MTSS2: variants seen among roughly 807,000 people sequenced by gnomAD.
MTSS2 encodes MTSS I-BAR domain containing 2.
In MTSS2, 27 loss-of-function variants were observed where a neutral mutation model predicts 67.1. That is an observed-to-expected ratio of 0.40 (90% confidence interval 0.30 to 0.55). The LOEUF is 0.55. Among genes scored for constraint, MTSS2 ranks in the 20% least tolerant of loss-of-function variants. The pLI is 0.43. For synonymous variants in MTSS2, 624 were observed against 468.6 expected (o/e 1.33, Z -4.28); for missense variants, 1,171 against 1,067.8 (o/e 1.10, Z -1.35).
chr16:70,675,928 G>A (rs2142853599), intron 10 of MTSS2, among the ~76,000 whole-genome samples: 1 of 152,336 alleles, frequency 6.6e-6, no homozygotes, highest in East Asian at 1.9e-4. Context: ...ACCCTTGGGT[G>A]GTGTTCCTGG....
rs1195551114 is a variant in MTSS2, at chr16:70,678,248, C to T, written c.624+4G>A. On this transcript the variant is annotated splice_donor_region_variant and intron_variant, in intron 8 of 14. Coordinates refer to ENST00000338779, the MANE Select transcript of MTSS2 (RefSeq NM_138383.3). ...TCTGGGGTCTGAGTCCCCAGGAGTC[C>T]CACCACCACAGGCTGCAGGAAGGTG... 2 of 1,604,232 alleles carry T rather than the reference C, an allele frequency of 1.2e-6. No homozygotes were observed. Among genetic ancestry groups the T allele is most frequent in the Admixed American group, 1.7e-5 (1 of 59,464 alleles).
chr16:70,683,780 C>G (rs1446540019), intron 1 of MTSS2, among the ~76,000 whole-genome samples: 1 of 152,208 alleles, frequency 6.6e-6, no homozygotes, highest in East Asian at 1.9e-4. Context: ...GCCGCCCTTC[C>G]TCTACGGAGG....
intron 11 of MTSS2, among the ~76,000 whole-genome samples, chr16:70,667,060 G>A (rs918753047): frequency 6.6e-6 from 1 of 152,102 alleles, no homozygotes; most frequent in Non-Finnish European, 1.5e-5. Flanking sequence ...AGGATCACTT[G>A]AGCCCAGGAG....
At chr16:70,669,554 G>A (rs1000120297) in intron 11 of MTSS2, among the ~76,000 whole-genome samples, 1 of 152,068 alleles carries the variant, frequency 6.6e-6, no homozygotes, top group African/African-American at 2.4e-5. Context: ...GGTGGCTCAT[G>A]CCTGTAATCC....
rs1214479875 is a variant in MTSS2 at position 70,661,254 on chromosome 16, G to GTTAC, written c.*2419_*2422dup. 1 of 455,840 alleles carries GTTAC rather than the reference G, an allele frequency of 2.2e-6. No individual in the cohort carries two copies. The highest frequency in any genetic ancestry group is 2.4e-5 in the Admixed American group (1 of 42,466). The allele number at this position is 455,840 out of a possible 1,614,324, so 28.2% of individuals were successfully genotyped here. A position where few individuals can be genotyped will look rare whatever the true frequency, so the allele number is the denominator to read the frequency against. On this transcript the variant is annotated 3_prime_UTR_variant, in exon 15 of 15. Coordinates refer to ENST00000338779, the MANE Select transcript of MTSS2 (RefSeq NM_138383.3). ...ATACTGGAATCTTCACAGTGCATCT[G>GTTAC]TTACTTGTAGCAGTGACTATATTTA... is the stretch of plus-strand genomic sequence containing the variant.
chr16:70,664,363 T>A lies in MTSS2; in HGVS notation c.1558A>T (p.Asn520Tyr). ...EFDKSSTIPR[N>Y]SNIAQNYRRL... ...CGGTAGTTCTGGGCGATGTTGCTGT[T>A]GCGCGGGATGGTGGATGACTTGTCA... The change falls in exon 15 of 15, where the codon AAC (asparagine) becomes TAC (tyrosine). Residue 520 changes from asparagine to tyrosine, a missense_variant. Asn to Tyr is a moderately radical substitution (Grantham distance 143). Transcript: ENST00000338779. The A allele has an allele frequency of 6.3e-7, 1 of 1,591,352 alleles. No individual in the cohort carries two copies. Among genetic ancestry groups the A allele is most frequent in the Non-Finnish European group, 8.5e-7 (1 of 1,171,442 alleles).
chr16:70,678,701 C>T (rs1477200145), intron 7 of MTSS2, among the ~76,000 whole-genome samples: 8 of 152,356 alleles, frequency 5.3e-5, no homozygotes, highest in Admixed American at 3.9e-4. Context: ...TCTGCCAACA[C>T]GGAGACTCGC....
At chr16:70,673,662 AAAT>A (rs934859346) in intron 11 of MTSS2, among the ~76,000 whole-genome samples, 1 of 152,194 alleles carries the variant, frequency 6.6e-6, no homozygotes, top group Admixed American at 6.5e-5. Context: ...GGGTAAATCT[AAAT>A]AAGTACTGTA....
At chr16:70,669,586 C>G (rs573356496) in intron 11 of MTSS2, among the ~76,000 whole-genome samples, 5 of 150,512 alleles carry the variant, frequency 3.3e-5, no homozygotes, top group African/African-American at 1.2e-4. Context: ...GAGGCCAAGG[C>G]GGGCGGATTA....
chr16:70,680,713 C>G, intron 3 of MTSS2, 81 bp downstream of exon 3: 3 of 1,291,378 alleles, frequency 2.3e-6, no homozygotes, highest in Non-Finnish European at 3.3e-6. Context: ...CGTCCTTTCC[C>G]TGGCCCATCC....
At chr16:70,667,849 G>GGTGACAGA (rs1417813870) in intron 11 of MTSS2, among the ~76,000 whole-genome samples, 1 of 152,032 alleles carries the variant, frequency 6.6e-6, no homozygotes, top group African/African-American at 2.4e-5. Context: ...CTCCAGCCTG[G>GGTGACAGA]GTGACAGAGT....
intron 2 of MTSS2, 39 bp from the exon 3 acceptor site, chr16:70,680,906 G>C (rs1567506585): frequency 1.1e-5 from 17 of 1,517,772 alleles, no homozygotes; most frequent in Non-Finnish European, 1.4e-5. Context: ...TCGGTGGTTG[G>C]GCGGGGGGGG....
At chr16:70,679,931 C>T (rs2053245914) in intron 4 of MTSS2, 40 bp downstream of exon 4, 2 of 1,505,084 alleles carry the variant, frequency 1.3e-6, no homozygotes, top group Non-Finnish European at 1.8e-6. Flanking sequence ...CGCGACGCCC[C>T]GTCCCCCCGC....
chr16:70,680,918 G>GGGGGGGGGGGGGGGGGGGGGGGCCCCCC, intron 2 of MTSS2, 46 bp downstream of exon 2: 1 of 1,097,900 alleles, frequency 9.1e-7, no homozygotes, highest in Non-Finnish European at 1.3e-6. Context: ...CGGGGGGGGG[G>GGGGGGGGGGGGGGGGGGGGGGGCCCCCC]CCTCTGCCTG....
chr16:70,665,093 A>G lies in MTSS2; in HGVS notation c.1132T>C (p.Trp378Arg), dbSNP rs2052656191. ...TGCTCATGGGAGCCGACCTTGGACCAGTCCTGCAGGGAGGGTGTGGCAGGT... is the reference window on the plus strand; with the variant it reads ...TGCTCATGGGAGCCGACCTTGGACCGGTCCTGCAGGGAGGGTGTGGCAGGT... ...VSECSSPTSD[W>R]SKVGSHEQPS... Residue 378 changes from tryptophan to arginine, a missense_variant, in exon 13 of 15, where the codon TGG (tryptophan) becomes CGG (arginine). Trp to Arg is a moderately radical substitution (Grantham distance 101, BLOSUM62 -3). Coordinates refer to ENST00000338779, the MANE Select transcript of MTSS2 (RefSeq NM_138383.3). The G allele has an allele frequency of 6.3e-7, 1 of 1,593,152 alleles. No homozygotes were observed. The highest frequency in any genetic ancestry group is 1.3e-5 in the African/African-American group (1 of 74,950).
chr16:70,679,727 G>A (rs778897970), intron 5 of MTSS2, 23 bp from the exon 6 acceptor site: 4 of 1,610,200 alleles, frequency 2.5e-6, no homozygotes, highest in Non-Finnish European at 3.4e-6. Flanking sequence ...AGAGCGGAGC[G>A]CTCTAATGGG....
chr16:70,668,787 C>T (rs2052815847), intron 11 of MTSS2, among the ~76,000 whole-genome samples: 1 of 152,208 alleles, frequency 6.6e-6, no homozygotes, highest in Admixed American at 6.5e-5. Context: ...CATCTATGAA[C>T]CACAAAGTGG....
chr16:70,673,795 T>C (rs996970830), intron 11 of MTSS2, among the ~76,000 whole-genome samples: 1 of 152,068 alleles, frequency 6.6e-6, no homozygotes, highest in African/African-American at 2.4e-5. Flanking sequence ...AAATATATAT[T>C]AAGGGCCTTG....
At chr16:70,669,541 C>CAT (rs2052847605) in intron 11 of MTSS2, among the ~76,000 whole-genome samples, 1 of 152,050 alleles carries the variant, frequency 6.6e-6, no homozygotes, top group African/African-American at 2.4e-5. Flanking sequence ...GAAAGCTGGG[C>CAT]ATGGTGGCTC....
Sources: allele counts gnomAD v4.1 joint callset (sites outside exome capture counted in the v4.1 genomes callset), GRCh38; gene constraint gnomAD v4.1.1; transcripts MANE v1.5; gene names NCBI Gene and HGNC (gene_info 2026-07-23, HGNC 2026-07-21).